Variants in ARK2N observed in about 807,000 individuals in gnomAD.
ARK2N encodes protein ARK2N.
At chr18:46,242,269 G>A in the ARK2N span, among the ~76,000 whole-genome samples, 1 of 152,158 alleles carries the variant, frequency 6.6e-6, no homozygotes, top group Non-Finnish European at 1.5e-5. Flanking sequence ...GATTACCAAC[G>A]TTTTGCTCTT....
the ARK2N span, chr18:46,216,193 G>A: frequency 6.2e-7 from 1 of 1,613,990 alleles, no homozygotes; most frequent in Non-Finnish European, 8.5e-7. This position sits in a 1 kb window ranked among gnomAD's most constrained non-coding sequence, Gnocchi z 4.3. Flanking sequence ...TCACCTGGCT[G>A]ATTCAGATAC....
the ARK2N span, among the ~76,000 whole-genome samples, chr18:46,176,703 C>T: frequency 3.3e-5 from 5 of 152,156 alleles, no homozygotes; most frequent in South Asian, 1.0e-3. Flanking sequence ...CCGCAACCTC[C>T]ACCTCCTGGG....
the ARK2N span, among the ~76,000 whole-genome samples, chr18:46,174,642 G>A: frequency 6.6e-6 from 1 of 152,194 alleles, no homozygotes; most frequent in Non-Finnish European, 1.5e-5. Flanking sequence ...CTGGGGCCGG[G>A]TTGAGGCGAG....
the ARK2N span, among the ~76,000 whole-genome samples, chr18:46,251,174 TAAAGA>T: frequency 6.6e-6 from 1 of 152,284 alleles, no homozygotes; most frequent in South Asian, 2.1e-4. Flanking sequence ...TTGAAGGCTA[TAAAGA>T]AGAGAGTCTG....
At chr18:46,174,695 T>C in the ARK2N span, among the ~76,000 whole-genome samples, 3 of 152,086 alleles carry the variant, frequency 2.0e-5, no homozygotes, top group Admixed American at 2.0e-4. Context: ...GGTGCCGCAG[T>C]CCCCGGGCTG....
the ARK2N span, among the ~76,000 whole-genome samples, chr18:46,234,977 A>C: frequency 6.6e-6 from 1 of 152,056 alleles, no homozygotes; most frequent in African/African-American, 2.4e-5. Context: ...CCAACCATGT[A>C]TTTGTCCATT....
chr18:46,197,987 T>C, the ARK2N span, among the ~76,000 whole-genome samples: 2 of 152,120 alleles, frequency 1.3e-5, no homozygotes, highest in Admixed American at 1.3e-4. Flanking sequence ...CTGCCCAGTT[T>C]TTCCTACGAT....
the ARK2N span, among the ~76,000 whole-genome samples, chr18:46,234,175 A>ATGAT: frequency 2.6e-5 from 4 of 152,198 alleles, no homozygotes; most frequent in Admixed American, 2.6e-4. Context: ...CCGAGAAGCG[A>ATGAT]TGATTGGTAT....
the ARK2N span, chr18:46,262,801 G>A: frequency 1.1e-6 from 1 of 899,732 alleles, no homozygotes; most frequent in Admixed American, 2.3e-5. Context: ...TATTGATTGT[G>A]GGTTTTATGA....
chr18:46,220,496 A>G, the ARK2N span, among the ~76,000 whole-genome samples: 1 of 152,256 alleles, frequency 6.6e-6, no homozygotes, highest in Non-Finnish European at 1.5e-5. Flanking sequence ...AATTCTTTGT[A>G]GAAATTTTTG....
chr18:46,212,819 G>A, the ARK2N span, among the ~76,000 whole-genome samples: 26 of 151,906 alleles, frequency 1.7e-4, no homozygotes, highest in African/African-American at 2.7e-4. Context: ...AGAAACAAGC[G>A]TTGTATGGTC....
At chr18:46,198,830 C>CT in the ARK2N span, among the ~76,000 whole-genome samples, 1 of 152,148 alleles carries the variant, frequency 6.6e-6, no homozygotes, top group Non-Finnish European at 1.5e-5. Context: ...AACTCCTGAC[C>CT]TTGTGATCCA....
the ARK2N span, among the ~76,000 whole-genome samples, chr18:46,226,005 A>G: frequency 3.9e-5 from 6 of 152,078 alleles, no homozygotes; most frequent in African/African-American, 1.4e-4. Context: ...TTCCTTGAGA[A>G]TCTCTTAGCA....
At chr18:46,191,255 A>G in the ARK2N span, among the ~76,000 whole-genome samples, 1 of 152,044 alleles carries the variant, frequency 6.6e-6, no homozygotes, top group Non-Finnish European at 1.5e-5. Context: ...ACGGTCCTCA[A>G]CCCATTTTGC....
At chr18:46,228,613 TCTCA>T in the ARK2N span, 1 of 391,028 alleles carries the variant, frequency 2.6e-6, no homozygotes, top group Non-Finnish European at 4.5e-6. Flanking sequence ...GGAGATAGGG[TCTCA>T]CTCTGTCATC....
chr18:46,252,578 A>C, the ARK2N span, among the ~76,000 whole-genome samples: 3 of 152,042 alleles, frequency 2.0e-5, no homozygotes, highest in Non-Finnish European at 4.4e-5. Flanking sequence ...TATTTTATTT[A>C]CATTGGTTTA....
the ARK2N span, among the ~76,000 whole-genome samples, chr18:46,235,503 C>G: frequency 2.6e-5 from 4 of 152,214 alleles, no homozygotes; most frequent in African/African-American, 9.7e-5. Flanking sequence ...CTTTTGTGTT[C>G]TTTGTTAACG....
At chr18:46,176,665 G>T in the ARK2N span, among the ~76,000 whole-genome samples, 1 of 146,538 alleles carries the variant, frequency 6.8e-6, no homozygotes, top group African/African-American at 2.6e-5. Context: ...TGCTCTTGTT[G>T]CCCAGGCTGG....
the ARK2N span, among the ~76,000 whole-genome samples, chr18:46,243,981 T>G: frequency 2.0e-5 from 3 of 152,230 alleles, no homozygotes; most frequent in Non-Finnish European, 4.4e-5. Context: ...TCTCTTGCAC[T>G]GCAACGAGTT....
Sources: gnomAD v4.1 joint callset for allele counts (sites outside exome capture counted in the v4.1 genomes callset) on GRCh38, gnomAD v4.1.1 for gene constraint, Gnocchi (gnomAD v3.1) non-coding constraint, MANE v1.5 for transcripts, NCBI Gene and HGNC (gene_info 2026-07-23, HGNC 2026-07-21) for gene names.